Variants in FOXN3 observed in about 807,000 individuals in gnomAD.
FOXN3 encodes forkhead box N3.
A neutral mutation model predicts 38.4 loss-of-function variants in FOXN3; 7 were observed. The ratio of observed to expected loss-of-function variants is 0.18; its 90% CI spans 0.10 to 0.34. The LOEUF is 0.34. Ranked by LOEUF, FOXN3 falls within the 10% of genes least tolerant of loss-of-function variation. The pLI, the probability that FOXN3 is intolerant of heterozygous loss-of-function variation, is 1.00. For synonymous variants in FOXN3, 230 were observed against 242.2 expected (o/e 0.95, Z 0.47); for missense variants, 456 against 613.4 (o/e 0.74, Z 2.71).
At chr14:89,210,650 G>A (rs1884061760) in intron 4 of FOXN3, among the ~76,000 whole-genome samples, 1 of 152,196 alleles carries the variant, frequency 6.6e-6, no homozygotes, top group Non-Finnish European at 1.5e-5. Flanking sequence ...CGTATTTAAA[G>A]ACCATCATTT....
At chr14:89,276,757 G>A (rs1886312119) in intron 4 of FOXN3, among the ~76,000 whole-genome samples, 1 of 152,208 alleles carries the variant, frequency 6.6e-6, no homozygotes, top group African/African-American at 2.4e-5. Flanking sequence ...CTTGGAGGAA[G>A]AGCTAGAAAT....
intron 1 of FOXN3, among the ~76,000 whole-genome samples, chr14:89,540,329 A>C (rs1435807161): frequency 6.6e-6 from 1 of 152,216 alleles, no homozygotes; most frequent in Non-Finnish European, 1.5e-5. Context: ...GTCCTCTAAA[A>C]GGCATGCTTA....
chr14:89,312,265 A>G (rs1887572630), intron 3 of FOXN3, among the ~76,000 whole-genome samples: 1 of 124,412 alleles, frequency 8.0e-6, no homozygotes, highest in South Asian at 2.7e-4. Context: ...AGCCTGGGTG[A>G]CAGAGCAAGA....
chr14:89,266,036 C>T (rs1431485650), intron 4 of FOXN3, among the ~76,000 whole-genome samples: 1 of 152,168 alleles, frequency 6.6e-6, no homozygotes, highest in East Asian at 1.9e-4. Flanking sequence ...TTGGGATCTT[C>T]CCAAACTGCC....
chr14:89,613,131 A>C (rs1032234554), intron 1 of FOXN3, among the ~76,000 whole-genome samples: 2 of 151,414 alleles, frequency 1.3e-5, no homozygotes, highest in African/African-American at 2.4e-5. Context: ...AAAAAAAAAA[A>C]AAAAAAAAAA....
At chr14:89,228,572 A>G (rs1045165051) in intron 4 of FOXN3, among the ~76,000 whole-genome samples, 3 of 152,248 alleles carry the variant, frequency 2.0e-5, no homozygotes, top group African/African-American at 7.2e-5. Context: ...GTGATAAAAA[A>G]GCATAGGTTT....
intron 1 of FOXN3, chr14:89,486,432 G>A (rs1893447664): frequency 4.1e-5 from 6 of 147,970 alleles, no homozygotes. Flanking sequence ...TAAGAAGATT[G>A]GGGGGAGGCG....
intron 1 of FOXN3, among the ~76,000 whole-genome samples, chr14:89,565,640 T>C (rs760164789): frequency 5.9e-5 from 9 of 152,168 alleles, no homozygotes; most frequent in Admixed American, 1.3e-4. Context: ...AAAATAGGCA[T>C]TTGGTCTCAT....
chr14:89,610,794 G>A (rs1314118116), intron 1 of FOXN3, among the ~76,000 whole-genome samples: 4 of 152,170 alleles, frequency 2.6e-5, no homozygotes, highest in African/African-American at 4.8e-5. Context: ...GTAGGTGCCC[G>A]CAACTGCTCA....
At chr14:89,239,692 G>A (rs905589365) in intron 4 of FOXN3, among the ~76,000 whole-genome samples, 2 of 152,200 alleles carry the variant, frequency 1.3e-5, no homozygotes, top group Admixed American at 6.5e-5. Flanking sequence ...TGCCTCTACT[G>A]TCAATCGTTT....
chr14:89,490,897 G>A (rs979068932), intron 1 of FOXN3, among the ~76,000 whole-genome samples: 4 of 152,154 alleles, frequency 2.6e-5, no homozygotes, highest in African/African-American at 4.8e-5. Context: ...TAGGTATGGC[G>A]AATCCTACAA....
At chr14:89,530,265 A>T (rs1363260880) in intron 1 of FOXN3, among the ~76,000 whole-genome samples, 1 of 152,296 alleles carries the variant, frequency 6.6e-6, no homozygotes, top group Non-Finnish European at 1.5e-5. Flanking sequence ...ATAAAGAAAA[A>T]GAGGTTTAAT....
chr14:89,534,100 C>CTTTTTTTTTT (rs79800046), intron 1 of FOXN3, among the ~76,000 whole-genome samples: 2 of 113,820 alleles, frequency 1.8e-5, no homozygotes, highest in Non-Finnish European at 3.5e-5. Flanking sequence ...ATTATACATT[C>CTTTTTTTTTT]TTTTTTTTTT....
rs141801646 is a variant in FOXN3, at chr14:89,492,616, G to A, written c.-14-80126C>T. ...TGTCCCGGCTACTTGGGAAACTGAG[G>A]CAGAAGGATCGCTAGAGCCCAAGAG... On this transcript the variant is annotated intron_variant, in intron 1 of 6. Coordinates refer to the FOXN3 transcript ENST00000345097. Among the ~76,000 whole-genome samples, 17 of 152,302 alleles carry A rather than the reference G, an allele frequency of 1.1e-4. No individual in the cohort carries two copies. The East Asian group carries it at 3.3e-3, about 29-fold the overall frequency.
chr14:89,166,552 A>T (rs1887247879), intron 5 of FOXN3, among the ~76,000 whole-genome samples: 1 of 152,214 alleles, frequency 6.6e-6, no homozygotes, highest in Non-Finnish European at 1.5e-5. Flanking sequence ...TGGTTCAAGC[A>T]GGAATTCAAA....
intron 4 of FOXN3, among the ~76,000 whole-genome samples, chr14:89,240,174 G>T (rs1371442576): frequency 6.6e-6 from 1 of 152,018 alleles, no homozygotes; most frequent in Non-Finnish European, 1.5e-5. Flanking sequence ...ACACACGATG[G>T]GTCTCAGCAA....
At chr14:89,426,903 G>C (rs888705931) in intron 1 of FOXN3, among the ~76,000 whole-genome samples, 1 of 152,090 alleles carries the variant, frequency 6.6e-6, no homozygotes, top group African/African-American at 2.4e-5. Flanking sequence ...GACAGGACCC[G>C]TGGGGTACAA....
intron 2 of FOXN3, among the ~76,000 whole-genome samples, chr14:89,352,172 C>T (rs892627801): frequency 2.0e-5 from 3 of 152,214 alleles, no homozygotes; most frequent in African/African-American, 4.8e-5. Flanking sequence ...TCTGGCTGGA[C>T]ACTCTATGCT....
At chr14:89,240,498 A>G (rs866190537) in intron 4 of FOXN3, among the ~76,000 whole-genome samples, 1 of 152,224 alleles carries the variant, frequency 6.6e-6, no homozygotes, top group African/African-American at 2.4e-5. Context: ...GTACAACCAT[A>G]CAGTGAAATA....
Sources: gnomAD v4.1 joint callset for allele counts (sites outside exome capture counted in the v4.1 genomes callset) on GRCh38, gnomAD v4.1.1 for gene constraint, MANE v1.5 for transcripts, NCBI Gene and HGNC (gene_info 2026-07-23, HGNC 2026-07-21) for gene names.